Variants in KCNIP1 observed in about 807,000 individuals in gnomAD.
KCNIP1 encodes the protein potassium voltage-gated channel interacting protein 1, also known as A-type potassium channel modulatory protein KCNIP1.
KCNIP1 carries 18 observed loss-of-function variants against 33.0 expected under a neutral mutation model. The observed-to-expected ratio is 0.55, with a 90% CI of 0.38 to 0.81. KCNIP1 has a LOEUF of 0.81. Among genes scored for constraint, KCNIP1 ranks in the 30% least tolerant of loss-of-function variants. The pLI, the probability that KCNIP1 is intolerant of heterozygous loss-of-function variation, is 0.00. For missense variants in KCNIP1, 238 were observed against 271.6 expected (o/e 0.88, Z 0.87); for synonymous variants, 93 against 98.3 (o/e 0.95, Z 0.32).
intron 1 of KCNIP1, among the ~76,000 whole-genome samples, chr5:170,513,404 A>G (rs936710378): frequency 6.6e-6 from 1 of 152,090 alleles, no homozygotes; most frequent in Non-Finnish European, 1.5e-5. Context: ...CATTTCTGCA[A>G]TCAAGCTTGT....
chr5:170,482,475 T>G (rs1171794751), intron 1 of KCNIP1, among the ~76,000 whole-genome samples: 1 of 152,100 alleles, frequency 6.6e-6, no homozygotes, highest in Non-Finnish European at 1.5e-5. Context: ...CCCCATGAAA[T>G]TTGCACCATG....
intron 1 of KCNIP1, among the ~76,000 whole-genome samples, chr5:170,687,993 C>G (rs1762599199): frequency 7.0e-6 from 1 of 142,936 alleles, no homozygotes; most frequent in African/African-American, 2.7e-5. Context: ...CTTAGGATTT[C>G]CAAGAGAAAA....
At chr5:170,515,549 A>G (rs1755089735) in intron 1 of KCNIP1, among the ~76,000 whole-genome samples, 1 of 152,228 alleles carries the variant, frequency 6.6e-6, no homozygotes, top group Non-Finnish European at 1.5e-5. Flanking sequence ...ATAGCATGCT[A>G]TGTGCTAGAC....
At chr5:170,732,993 C>T (rs17650650) in intron 6 of KCNIP1, 89 bp downstream of exon 6, 243,072 of 755,238 alleles carry the variant, frequency 0.32, 43,977 homozygotes, top group Non-Finnish European at 0.39. Flanking sequence ...TGTGTCCAAC[C>T]CTGTACTAAG....
chr5:170,440,600 T>C (rs1335107982), intron 1 of KCNIP1, among the ~76,000 whole-genome samples: 1 of 152,160 alleles, frequency 6.6e-6, no homozygotes, highest in African/African-American at 2.4e-5. Context: ...ATGGAGGGTG[T>C]TTCATGGCTG....
chr5:170,419,166 T>C (rs1755412557), intron 1 of KCNIP1, among the ~76,000 whole-genome samples: 1 of 152,220 alleles, frequency 6.6e-6, no homozygotes, highest in Non-Finnish European at 1.5e-5. Context: ...ACAGAGTCAG[T>C]GTCCAGTGCT....
chr5:170,615,712 C>G (rs1759341876), intron 1 of KCNIP1, among the ~76,000 whole-genome samples: 1 of 152,196 alleles, frequency 6.6e-6, no homozygotes, highest in South Asian at 2.1e-4. Context: ...ATTCAGACCT[C>G]ACCACTCATA....
chr5:170,722,438 GGATAA>G (rs1375596835), intron 4 of KCNIP1, among the ~76,000 whole-genome samples: 1 of 152,084 alleles, frequency 6.6e-6, no homozygotes, highest in Non-Finnish European at 1.5e-5. Context: ...CTGCAGCCAT[GGATAA>G]GGCAAAAACA....
intron 1 of KCNIP1, among the ~76,000 whole-genome samples, chr5:170,487,432 C>A (rs183592096): frequency 2.0e-5 from 3 of 152,020 alleles, no homozygotes; most frequent in African/African-American, 7.3e-5. Context: ...ATTCACATAC[C>A]GTAGCATAAA....
chr5:170,508,993 G>A (rs536090441), intron 1 of KCNIP1, among the ~76,000 whole-genome samples: 6 of 152,186 alleles, frequency 3.9e-5, no homozygotes, highest in African/African-American at 1.4e-4. Flanking sequence ...GCTTGGTTCT[G>A]TGCACATAGT....
At chr5:170,531,792 G>A (rs1020479112) in intron 1 of KCNIP1, among the ~76,000 whole-genome samples, 1 of 140,310 alleles carries the variant, frequency 7.1e-6, no homozygotes, top group African/African-American at 2.6e-5. Context: ...CCCACCTCAT[G>A]CCCCACCCCC....
intron 1 of KCNIP1, among the ~76,000 whole-genome samples, chr5:170,445,979 GCT>G (rs1554093147): frequency 6.6e-6 from 1 of 152,214 alleles, no homozygotes; most frequent in Non-Finnish European, 1.5e-5. Flanking sequence ...TTGCCACATG[GCT>G]CTCTGTTTCA....
intron 1 of KCNIP1, among the ~76,000 whole-genome samples, chr5:170,439,489 CG>C (rs11431460): frequency 2.0e-5 from 3 of 149,454 alleles, no homozygotes; most frequent in African/African-American, 4.9e-5. Context: ...GGGACGGGGG[CG>C]GGGGGGTGCG....
At chr5:170,385,280 G>T (rs754250048) in intron 1 of KCNIP1, 8 of 1,613,362 alleles carry the variant, frequency 5.0e-6, no homozygotes, top group East Asian at 2.2e-5. Context: ...TTAGGAGAGG[G>T]TTGGGGGGTG....
intron 1 of KCNIP1, among the ~76,000 whole-genome samples, chr5:170,550,617 G>A (rs1433108584): frequency 6.6e-6 from 1 of 151,982 alleles, no homozygotes; most frequent in African/African-American, 2.4e-5. Context: ...TGATGACAAT[G>A]ATGGTGATGA....
chr5:170,390,517 A>AAAAAAAAAATATATATATATATAT, intron 1 of KCNIP1, among the ~76,000 whole-genome samples: 2 of 74,548 alleles, frequency 2.7e-5, no homozygotes, highest in Admixed American at 2.9e-4. Flanking sequence ...AAAAAAAACA[A>AAAAAAAAAATATATATATATATAT]ATATATATAT....
At chr5:170,373,785 A>G (rs1283726147) in intron 1 of KCNIP1, among the ~76,000 whole-genome samples, 1 of 152,226 alleles carries the variant, frequency 6.6e-6, no homozygotes, top group Non-Finnish European at 1.5e-5. Context: ...CTCTCATAAG[A>G]GAATGAAAAT....
At chr5:170,680,288 A>G (rs868613327) in intron 1 of KCNIP1, among the ~76,000 whole-genome samples, 16 of 152,234 alleles carry the variant, frequency 1.1e-4, no homozygotes, top group African/African-American at 3.9e-4. Flanking sequence ...CTGACAATCC[A>G]GTGTACGAAG....
intron 1 of KCNIP1, among the ~76,000 whole-genome samples, chr5:170,602,791 G>A (rs879385514): frequency 6.6e-6 from 1 of 152,210 alleles, no homozygotes; most frequent in Non-Finnish European, 1.5e-5. Flanking sequence ...GGGGCCAGAT[G>A]AAAAAACCAG....
Sources: gnomAD v4.1 joint callset for allele counts (sites outside exome capture counted in the v4.1 genomes callset) on GRCh38, gnomAD v4.1.1 for gene constraint, MANE v1.5 for transcripts, NCBI Gene and HGNC (gene_info 2026-07-23, HGNC 2026-07-21) for gene names.